PPFIA2: variants seen among roughly 807,000 people sequenced by gnomAD.
PPFIA2 encodes PPFI scaffold protein A2.
In PPFIA2, 46 loss-of-function variants were observed where a neutral mutation model predicts 175.5. That is an observed-to-expected ratio of 0.26 (90% CI 0.21 to 0.34). PPFIA2 has a LOEUF of 0.34. Among genes scored for constraint, PPFIA2 ranks in the 10% least tolerant of loss-of-function variants. The pLI, the probability that PPFIA2 is intolerant of heterozygous loss-of-function variation, is 1.00. For synonymous variants in PPFIA2, 568 were observed against 511.4 expected (o/e 1.11, Z -1.49); for missense variants, 1,179 against 1,506.1 (o/e 0.78, Z 3.60).
rs1294287504 is a variant in PPFIA2 at position 81,622,745 on chromosome 12, T to C, written c.303+54046A>G. ...CAGGGAAAACCTGAACCCAACAGAA[T>C]AGAATGTGCCCTGGCTTTCATTTTT... On this transcript the variant is annotated intron_variant, in intron 4 of 32. Coordinates refer to ENST00000549396, the MANE Select transcript of PPFIA2 (RefSeq NM_003625.5). Among the ~76,000 whole-genome samples, 2 of 152,086 alleles carry C rather than the reference T, an allele frequency of 1.3e-5. 1 individual carries two copies. Among genetic ancestry groups the C allele is most frequent in the South Asian group, 4.1e-4 (2 of 4,832 alleles).
chr12:81,294,786 CG>C (rs2046084509), intron 24 of PPFIA2, 48 bp downstream of exon 24: 1 of 1,562,766 alleles, frequency 6.4e-7, no homozygotes, highest in Non-Finnish European at 8.7e-7. Flanking sequence ...CTTAGACACA[CG>C]GCTATTTGCC....
intron 4 of PPFIA2, among the ~76,000 whole-genome samples, chr12:81,532,532 G>C (rs2064740078): frequency 6.6e-6 from 1 of 151,656 alleles, no homozygotes; most frequent in Non-Finnish European, 1.5e-5. Context: ...CAAACAAAAG[G>C]CTCTGGGTAG....
At position 81,427,970 on chromosome 12, in the gene PPFIA2, A is replaced by G. The variant is rs183160300; in HGVS notation, c.645+12002T>C. On this transcript the variant is annotated intron_variant, in intron 7 of 32. Coordinates refer to ENST00000549396, the MANE Select transcript of PPFIA2 (RefSeq NM_003625.5). The stretch of plus-strand genomic sequence containing the variant: ...AATTCAATCTTGAATCTTCTGACTT[A>G]AAGTTAATATTCTTTAACTTTTTAT... Among the ~76,000 whole-genome samples, 579 of 152,128 alleles carry G rather than the reference A, an allele frequency of 3.8e-3. 6 individuals carry two copies. Among genetic ancestry groups the G allele is most frequent in the Middle Eastern group, 0.027 (8 of 294 alleles).
At chr12:81,699,479 C>T (rs1251868015) in intron 3 of PPFIA2, among the ~76,000 whole-genome samples, 2 of 151,342 alleles carry the variant, frequency 1.3e-5, no homozygotes, top group Admixed American at 1.3e-4. Context: ...AAATTGCTTT[C>T]TTCATAGTCA....
At chr12:81,598,404 C>A (rs2059474470) in intron 4 of PPFIA2, 2 of 1,042,684 alleles carry the variant, frequency 1.9e-6, no homozygotes, top group Non-Finnish European at 2.3e-6. Flanking sequence ...CACAGTCTAG[C>A]AGAGTGATTA....
chr12:81,368,831 T>A lies in PPFIA2; in HGVS notation c.1376A>T (p.Glu459Val). ...ATCCGATAATCTCTTGTTATGCTCCTCATTCATTTTCTCTCTTTGCCTAGC... is the reference window on the plus strand; with the variant it reads ...ATCCGATAATCTCTTGTTATGCTCCACATTCATTTTCTCTCTTTGCCTAGC... ...QRARQREKMN[E>V]EHNKRLSDTV... Residue 459 changes from glutamate to valine, a missense_variant, in exon 13 of 33, where the codon GAG becomes GTG. Glu to Val is a moderately radical substitution (Grantham distance 121). This residue lies in a region of PPFIA2 where 66 missense variants were observed against 129.4 expected (regional missense o/e 0.51). Transcript: ENST00000549396. The A allele has an allele frequency of 6.2e-7, 1 of 1,610,396 alleles. No individual in the cohort carries two copies. Among genetic ancestry groups the A allele is most frequent in the Non-Finnish European group, 8.5e-7 (1 of 1,177,840 alleles).
At chr12:81,406,215 A>G (rs1384361094) in intron 7 of PPFIA2, among the ~76,000 whole-genome samples, 1 of 152,168 alleles carries the variant, frequency 6.6e-6, no homozygotes, top group East Asian at 1.9e-4. Flanking sequence ...CGTGATGTTA[A>G]TTCAGAAATT....
Position 81,591,881 on chromosome 12 carries a change from G to C in PPFIA2, c.303+84910C>G, listed in dbSNP as rs972484036. Among the ~76,000 whole-genome samples, 9 of 151,878 alleles carry C rather than the reference G, an allele frequency of 5.9e-5. No individual in the cohort carries two copies. In the East Asian group the frequency reaches 1.7e-3, roughly 29 times the overall value. ...AAAATGTGGGGTCAATCTCTACTGG[G>C]GAACCACCATTGCTTGCCTCCAGAC... On this transcript the variant is annotated intron_variant, in intron 4 of 32. Transcript: ENST00000549396.
In PPFIA2 at chr12:81,267,993, A is replaced by ATGCACACC; in HGVS notation, c.3397_3404dup (p.His1135GlnfsTer8). On this transcript the variant is annotated frameshift_variant, in exon 29 of 33. Coordinates refer to ENST00000549396, the MANE Select transcript of PPFIA2 (RefSeq NM_003625.5). LOFTEE classifies it high-confidence loss of function. ...TTTCATCCAGGGCTATAAGTGAGCC[A>ATGCACACC]TGCACACCGCTCTCAAGTATATTAT... 6.3e-7 allele frequency: 1 copy of ATGCACACC among 1,599,494 alleles called. No individual in the cohort carries two copies. Among genetic ancestry groups the ATGCACACC allele is most frequent in the Non-Finnish European group, 8.5e-7 (1 of 1,172,038 alleles).
At chr12:81,688,670 T>A (rs1185844158) in intron 3 of PPFIA2, among the ~76,000 whole-genome samples, 1 of 151,146 alleles carries the variant, frequency 6.6e-6, no homozygotes, top group African/African-American at 2.4e-5. Flanking sequence ...AAATACTGTC[T>A]TTTCCAACTG....
intron 3 of PPFIA2, among the ~76,000 whole-genome samples, chr12:81,744,462 T>A (rs1265649581): frequency 6.6e-6 from 1 of 151,370 alleles, no homozygotes; most frequent in Non-Finnish European, 1.5e-5. Context: ...TCACTATTGT[T>A]GCCCAGGCTA....
chr12:81,423,238 A>G (rs1277938140), intron 7 of PPFIA2, among the ~76,000 whole-genome samples: 1 of 152,186 alleles, frequency 6.6e-6, no homozygotes, highest in Admixed American at 6.6e-5. Context: ...AAAAAATAGA[A>G]GAAGCAGTAA....
chr12:81,491,074 T>C (rs778232468), intron 4 of PPFIA2, among the ~76,000 whole-genome samples: 48 of 151,998 alleles, frequency 3.2e-4, no homozygotes, highest in Non-Finnish European at 5.3e-4. Flanking sequence ...CTCTGTTCTA[T>C]GTCATCTTCT....
intron 8 of PPFIA2, among the ~76,000 whole-genome samples, chr12:81,392,038 C>G (rs1368851655): frequency 6.6e-6 from 1 of 151,758 alleles, no homozygotes; most frequent in African/African-American, 2.4e-5. Flanking sequence ...CATGATTTCA[C>G]TTACATTTTC....
intron 32 of PPFIA2, chr12:81,259,864 A>G: frequency 7.4e-6 from 3 of 402,772 alleles, no homozygotes; most frequent in Non-Finnish European, 1.3e-5. Context: ...AGCTTAACAA[A>G]TAATAGAATT....
intron 21 of PPFIA2, among the ~76,000 whole-genome samples, chr12:81,330,588 A>T (rs1354331253): frequency 2.0e-5 from 3 of 152,130 alleles, no homozygotes; most frequent in Non-Finnish European, 4.4e-5. Context: ...ATTCAAAATC[A>T]CTTATTTCAT....
chr12:81,501,997 A>G (rs1370686405), intron 4 of PPFIA2, among the ~76,000 whole-genome samples: 1 of 152,180 alleles, frequency 6.6e-6, no homozygotes, highest in African/African-American at 2.4e-5. Flanking sequence ...TCTCAGAAAA[A>G]GGGACGTGCA....
chr12:81,755,653 A>T (rs2084526681), intron 2 of PPFIA2, among the ~76,000 whole-genome samples: 1 of 152,174 alleles, frequency 6.6e-6, no homozygotes, highest in Admixed American at 6.5e-5. Flanking sequence ...AAAAACTTTT[A>T]AAAAGTATGT....
intron 3 of PPFIA2, among the ~76,000 whole-genome samples, chr12:81,718,154 A>AT (rs1310659312): frequency 1.3e-5 from 2 of 151,614 alleles, no homozygotes; most frequent in African/African-American, 4.8e-5. Flanking sequence ...AATATTAAAC[A>AT]TTTTTAATAT....
Sources: allele counts gnomAD v4.1 joint callset (sites outside exome capture counted in the v4.1 genomes callset), GRCh38; gene constraint gnomAD v4.1.1; regional missense constraint gnomAD v4.1.1; transcripts MANE v1.5; gene names NCBI Gene and HGNC (gene_info 2026-07-23, HGNC 2026-07-21).